Variants in DNAH9 observed in about 807,000 individuals in gnomAD.
The protein encoded by DNAH9 is dynein axonemal heavy chain 9.
In DNAH9, 345 loss-of-function variants were observed where a neutral mutation model predicts 471.6. The ratio of observed to expected loss-of-function variants is 0.73; its 90% confidence interval spans 0.67 to 0.80. The LOEUF (loss-of-function observed/expected upper bound fraction) is 0.80, where lower values mean the gene tolerates loss of function less well. Ranked by LOEUF, DNAH9 falls within the 30% of genes least tolerant of loss-of-function variation. The probability of loss-of-function intolerance (pLI) is 0.00; values close to 1 mark genes in which losing one functional copy is unlikely to be tolerated. For synonymous variants in DNAH9, 2,093 were observed against 2,123.6 expected, an observed-to-expected ratio of 0.99 and a Z score of 0.40; for missense variants, 5,407 against 5,609.2, an observed-to-expected ratio of 0.96 and a Z score of 1.15.
intron 36 of DNAH9, 117 bp from the exon 37 acceptor site, chr17:11,768,336 C>G: frequency 7.6e-6 from 8 of 1,053,152 alleles, no homozygotes; most frequent in Admixed American, 4.4e-5. Flanking sequence ...AGCCGGCAGG[C>G]CCACACAGGG....
intron 28 of DNAH9, among the ~76,000 whole-genome samples, chr17:11,736,597 A>C (rs1428500982): frequency 1.3e-5 from 2 of 152,206 alleles, no homozygotes; most frequent in Non-Finnish European, 2.9e-5. Flanking sequence ...TGCGGACCGC[A>C]GTTGCTGCTA....
intron 17 of DNAH9, 61 bp downstream of exon 17, chr17:11,669,855 A>G: frequency 7.1e-7 from 1 of 1,410,568 alleles, no homozygotes; most frequent in South Asian, 1.3e-5. Flanking sequence ...CCATGTTTTT[A>G]AACCTTTTTT....
Position 11,898,078 on chromosome 17 carries a change from G to A in DNAH9, c.11406+3582G>A, listed in dbSNP as rs535586711. ...CACATCTTCACATGGCTGTCTGGCT[G>A]TCTTCTGTGTCCCTCTGCGAGTCTC... On this transcript the variant is annotated intron_variant, in intron 59 of 68. Coordinates refer to ENST00000262442, the MANE Select transcript of DNAH9 (RefSeq NM_001372.4). 3.3e-5 allele frequency among the ~76,000 whole-genome samples: 5 copies of A among 151,890 alleles called. No individual in the cohort carries two copies. The South Asian group carries it at 1.0e-3, about 32-fold the overall frequency.
rs775274657 is a variant in DNAH9 at position 11,747,745 on chromosome 17, G to C, written c.6589G>C (p.Ala2197Pro). Reference sequence around the variant, plus strand: ...TGAGCTCTTTGGCATCATCAATCCAGCCACAGGAGAATGGAAGGATGGTAA... The same window carrying C: ...TGAGCTCTTTGGCATCATCAATCCACCCACAGGAGAATGGAAGGATGGTAA... ...NDELFGIINPATGEWKDGLFS... is the reference protein window; with the variant it reads ...NDELFGIINPPTGEWKDGLFS... The change falls in exon 32 of 69, where the codon GCC becomes CCC. Residue 2197 changes from alanine (A) to proline (P), a missense_variant. Around this residue, in one of 3 missense-constraint regions of DNAH9, gnomAD observed 4,636 missense variants for 4,900.3 expected, o/e 0.95. Transcript: ENST00000262442. 2 of 1,613,920 alleles carry C rather than the reference G, an allele frequency of 1.2e-6. No individual in the cohort carries two copies. The highest frequency in any genetic ancestry group is 1.7e-6 in the Non-Finnish European group (2 of 1,179,850).
intron 1 of DNAH9, among the ~76,000 whole-genome samples, chr17:11,605,415 A>G (rs150795774): frequency 2.6e-5 from 4 of 152,320 alleles, no homozygotes; most frequent in Non-Finnish European, 5.9e-5. Flanking sequence ...CTAGAAAAGT[A>G]CCAGCACATA....
At chr17:11,662,270 A>G (rs1369048432) in intron 14 of DNAH9, among the ~76,000 whole-genome samples, 1 of 152,152 alleles carries the variant, frequency 6.6e-6, no homozygotes, top group Non-Finnish European at 1.5e-5. Flanking sequence ...GCACAGTGAT[A>G]ATATTCCCAA....
intron 49 of DNAH9, among the ~76,000 whole-genome samples, chr17:11,851,094 TTTGTTGTTGTTG>T (rs139118005): frequency 4.1e-5 from 6 of 147,954 alleles, no homozygotes; most frequent in Non-Finnish European, 6.0e-5. Flanking sequence ...TTGAGGTTGT[TTTGTTGTTGTTG>T]TTGTTGTTGT....
At chr17:11,818,708 C>A (rs1395065568) in intron 45 of DNAH9, among the ~76,000 whole-genome samples, 3 of 152,028 alleles carry the variant, frequency 2.0e-5, no homozygotes, top group African/African-American at 7.2e-5. Context: ...ATACCCATTG[C>A]TTTTCTGGAG....
At chr17:11,910,371 G>A (rs1468260789) in intron 61 of DNAH9, among the ~76,000 whole-genome samples, 1 of 152,132 alleles carries the variant, frequency 6.6e-6, no homozygotes, top group Non-Finnish European at 1.5e-5. Flanking sequence ...CAAACATGTA[G>A]TAGCATGTAT....
At chr17:11,926,027 G>T (rs2151031192) in intron 62 of DNAH9, among the ~76,000 whole-genome samples, 1 of 84,542 alleles carries the variant, frequency 1.2e-5, no homozygotes, top group African/African-American at 5.2e-5. Context: ...AAACCTGAGA[G>T]ATTCTCTGAA....
chr17:11,856,805 T>G (rs1027343918), intron 50 of DNAH9, among the ~76,000 whole-genome samples: 4 of 152,172 alleles, frequency 2.6e-5, no homozygotes, highest in African/African-American at 4.8e-5. Flanking sequence ...AAATAGATGA[T>G]AATCACCATA....
At chr17:11,698,282 T>TA in intron 22 of DNAH9, among the ~76,000 whole-genome samples, 1 of 136,760 alleles carries the variant, frequency 7.3e-6, no homozygotes, top group African/African-American at 2.7e-5. Flanking sequence ...ATATATTATA[T>TA]ATTAATAATT....
intron 9 of DNAH9, 66 bp downstream of exon 9, chr17:11,636,850 T>C: frequency 6.4e-6 from 9 of 1,404,930 alleles, no homozygotes; most frequent in Non-Finnish European, 8.0e-6. Context: ...CTCATTCCTC[T>C]TGTATTTGTT....
At chr17:11,657,008 A>G (rs931037699) in intron 14 of DNAH9, among the ~76,000 whole-genome samples, 8 of 152,164 alleles carry the variant, frequency 5.3e-5, no homozygotes, top group African/African-American at 1.2e-4. Context: ...AGTTATTTCT[A>G]GTTTCAGACT....
chr17:11,865,857 G>A (rs1972032162), intron 50 of DNAH9, among the ~76,000 whole-genome samples: 2 of 152,134 alleles, frequency 1.3e-5, no homozygotes, highest in Non-Finnish European at 2.9e-5. Context: ...TCGTGCCTTG[G>A]CTTTCAGCTC....
At chr17:11,762,458 A>G (rs1967719978) in intron 35 of DNAH9, among the ~76,000 whole-genome samples, 1 of 152,152 alleles carries the variant, frequency 6.6e-6, no homozygotes, top group Non-Finnish European at 1.5e-5. Flanking sequence ...TGCATGAGGC[A>G]TAGGATGTCT....
At chr17:11,920,064 C>T (rs754489397) in intron 61 of DNAH9, among the ~76,000 whole-genome samples, 16 of 138,766 alleles carry the variant, frequency 1.2e-4, no homozygotes, top group East Asian at 2.4e-4. Flanking sequence ...GACAGAGTTT[C>T]GCTCTTGTCG....
At chr17:11,747,798 C>G in intron 32 of DNAH9, 32 bp downstream of exon 32, 2 of 1,587,160 alleles carry the variant, frequency 1.3e-6, no homozygotes, top group Non-Finnish European at 1.7e-6. Context: ...GAGAAAGTCT[C>G]TGCTAGCCTC....
Position 11,932,613 on chromosome 17 carries a change from G to A in DNAH9, c.12297+408G>A, listed in dbSNP as rs964349995. 9.2e-5 allele frequency among the ~76,000 whole-genome samples: 14 copies of A among 152,200 alleles called. No homozygotes were observed. The highest frequency in any genetic ancestry group is 3.1e-4 in the African/African-American group (13 of 41,448). On this transcript the variant is annotated intron_variant, in intron 64 of 68. Transcript: ENST00000262442. This position sits in a 1 kb window ranked among gnomAD's most constrained non-coding sequence, Gnocchi z 4.3. ...GATGCAGTGCTATCCTACAGAAGGG[G>A]CATGAGCACACAGAAGGGCTGCACC...
Sources: allele counts gnomAD v4.1 joint callset (sites outside exome capture counted in the v4.1 genomes callset), GRCh38; gene constraint gnomAD v4.1.1; regional missense constraint gnomAD v4.1.1; non-coding constraint Gnocchi (gnomAD v3.1); transcripts MANE v1.5; gene names NCBI Gene and HGNC (gene_info 2026-07-23, HGNC 2026-07-21).